The following PIK3AP1 variants were observed in gnomAD, a reference collection of about 807,000 sequenced individuals.
PIK3AP1 encodes the protein phosphoinositide 3-kinase adapter protein 1.
Under a neutral mutation model 88.1 loss-of-function variants are expected in PIK3AP1, and 21 were observed. That is an observed-to-expected ratio of 0.24 (90% CI 0.17 to 0.34). PIK3AP1 has a LOEUF of 0.34. Among genes scored for constraint, PIK3AP1 ranks in the 10% least tolerant of loss-of-function variants. PIK3AP1 has a pLI of 1.00. For synonymous variants in PIK3AP1, 398 were observed against 400.0 expected (o/e 1.00, Z 0.06); for missense variants, 828 against 1,035.7 (o/e 0.80, Z 2.75).
At chr10:96,702,909 C>A (rs1344226648) in intron 2 of PIK3AP1, among the ~76,000 whole-genome samples, 1 of 152,192 alleles carries the variant, frequency 6.6e-6, no homozygotes, top group Non-Finnish European at 1.5e-5. Flanking sequence ...CAGGGTCTCG[C>A]TCTGTCTCCC....
intron 2 of PIK3AP1, among the ~76,000 whole-genome samples, chr10:96,688,304 T>G (rs1589538304): frequency 6.6e-6 from 1 of 152,098 alleles, no homozygotes; most frequent in Admixed American, 6.5e-5. Context: ...GGGTTGGTGA[T>G]AAGAATCAAA....
chr10:96,626,091 G>T lies in PIK3AP1; in HGVS notation c.1669+617C>A, dbSNP rs556414493. On this transcript the variant is annotated intron_variant, in intron 10 of 16. Coordinates refer to ENST00000339364, the MANE Select transcript of PIK3AP1 (RefSeq NM_152309.3). ...TACTTGTAACCATATTATTGCAATCGAGTCGAAAAAATAGTGAAACTAACA... is the reference window on the plus strand; with the variant it reads ...TACTTGTAACCATATTATTGCAATCTAGTCGAAAAAATAGTGAAACTAACA... Among the ~76,000 whole-genome samples, 3 of 152,062 alleles carry T rather than the reference G, an allele frequency of 2.0e-5. No homozygotes were observed. In the East Asian group the frequency reaches 5.8e-4, roughly 29 times the overall value.
In PIK3AP1 at chr10:96,620,380, T is replaced by C. The variant is rs12784975; in HGVS notation, c.1913A>G (p.Lys638Arg). Residue 638 changes from lysine to arginine, a missense_variant, in exon 12 of 17, where the codon AAA becomes AGA. Lys to Arg is a conservative substitution (Grantham distance 26). This residue lies in a region of PIK3AP1 where 27 missense variants were observed against 67.1 expected (regional missense o/e 0.40). Transcript: ENST00000339364. ...HFKEWQLNQK[K>R]RSESFRFQQE... is the part of the protein sequence containing the mutation. The stretch of plus-strand genomic sequence containing the variant: ...CTGGAAACGAAAGGACTCCGATCGT[T>C]TCTTCTGGTTGAGCTGCCACTCTTT... 0.19 allele frequency: 298,630 copies of C among 1,613,944 alleles called. 29,672 individuals are homozygous for C. Among genetic ancestry groups the C allele is most frequent in the Admixed American group, 0.34 (20,498 of 60,018 alleles).
At position 96,709,775 on chromosome 10, in the gene PIK3AP1, C is replaced by G. The variant is rs1245301716; in HGVS notation, c.222G>C (p.Glu74Asp). 14 of 1,613,560 alleles carry G rather than the reference C, an allele frequency of 8.7e-6. No individual in the cohort carries two copies. The East Asian group carries it at 3.1e-4, about 36-fold the overall frequency. Residue 74 changes from glutamate to aspartate, a missense_variant, in exon 2 of 17, where the codon GAG (glutamate) becomes GAC (aspartate). Transcript: ENST00000339364. ...CGGGCTTGTGGAAGTGCTGCACCAG[C>G]TCCGCGGACAGCAGCACCACGACAC... ...TRCVVVLLSA[E>D]LVQHFHKPAL... is the part of the protein sequence containing the mutation.
chr10:96,598,730 G>C (rs1848829189), intron 16 of PIK3AP1, among the ~76,000 whole-genome samples: 1 of 152,226 alleles, frequency 6.6e-6, no homozygotes, highest in African/African-American at 2.4e-5. Flanking sequence ...GGGCTTCACA[G>C]AGGAGGTGAT....
chr10:96,718,813 G>A (rs934245006), intron 1 of PIK3AP1, among the ~76,000 whole-genome samples: 10 of 152,176 alleles, frequency 6.6e-5, no homozygotes, highest in Middle Eastern at 3.4e-3. Context: ...AGGAGGAGGC[G>A]GCTTCACTGG....
chr10:96,628,909 T>TATATAC (rs1564961342), intron 8 of PIK3AP1, among the ~76,000 whole-genome samples: 3 of 10,598 alleles, frequency 2.8e-4, no homozygotes, highest in Non-Finnish European at 6.9e-4. Flanking sequence ...TATATATATG[T>TATATAC]GTATATATAT....
At chr10:96,622,081 G>A (rs1005217159) in intron 11 of PIK3AP1, among the ~76,000 whole-genome samples, 2 of 152,218 alleles carry the variant, frequency 1.3e-5, no homozygotes, top group African/African-American at 4.8e-5. Context: ...TCTCTAAGCA[G>A]CATGAGGCAC....
At chr10:96,641,234 A>G (rs899253173) in intron 8 of PIK3AP1, among the ~76,000 whole-genome samples, 1 of 152,036 alleles carries the variant, frequency 6.6e-6, no homozygotes, top group African/African-American at 2.4e-5. Context: ...CCCCATTTCA[A>G]TTAACACTGG....
chr10:96,612,982 ATTTTTTTTTTTTTTTTT>A (rs3979626), intron 13 of PIK3AP1, among the ~76,000 whole-genome samples: 142 of 34,694 alleles, frequency 4.1e-3, no homozygotes, highest in East Asian at 0.014. Flanking sequence ...ATATATATAT[ATTTTTTTTTTTTTTTTT>A]TTTTTTTTTT....
intron 2 of PIK3AP1, among the ~76,000 whole-genome samples, chr10:96,669,986 C>G (rs921105672): frequency 3.3e-5 from 5 of 151,740 alleles, no homozygotes; most frequent in Non-Finnish European, 5.9e-5. Context: ...ACCAGCCTGG[C>G]CAATATGGTA....
chr10:96,677,770 A>T (rs2134260324), intron 2 of PIK3AP1, among the ~76,000 whole-genome samples: 1 of 152,322 alleles, frequency 6.6e-6, no homozygotes, highest in East Asian at 1.9e-4. Context: ...CTGTTCATTT[A>T]GGTACAGTTA....
intron 2 of PIK3AP1, among the ~76,000 whole-genome samples, chr10:96,684,385 G>A (rs1844041982): frequency 6.6e-6 from 1 of 152,212 alleles, no homozygotes; most frequent in African/African-American, 2.4e-5. Context: ...CAACTCTAGT[G>A]GAACGGCAGT....
intron 1 of PIK3AP1, among the ~76,000 whole-genome samples, chr10:96,718,504 G>T (rs1403173434): frequency 2.6e-5 from 4 of 152,178 alleles, no homozygotes; most frequent in African/African-American, 9.7e-5. Context: ...ACCTGGAGTG[G>T]TGTCTCGCCA....
chr10:96,711,812 A>G (rs1273433936), intron 1 of PIK3AP1, among the ~76,000 whole-genome samples: 4 of 125,078 alleles, frequency 3.2e-5, no homozygotes, highest in South Asian at 2.7e-4. Flanking sequence ...GCGCAGTGGC[A>G]CGATCTCGGT....
chr10:96,665,306 T>C (rs968709419), intron 2 of PIK3AP1, among the ~76,000 whole-genome samples: 2 of 152,250 alleles, frequency 1.3e-5, no homozygotes, highest in African/African-American at 4.8e-5. Flanking sequence ...AGGAAAAGTC[T>C]GTCTCTTCAG....
chr10:96,630,482 A>G (rs6584091), intron 8 of PIK3AP1, among the ~76,000 whole-genome samples: 133,671 of 152,156 alleles, frequency 0.88, 59,508 homozygotes, highest in East Asian at 1. Flanking sequence ...TTCTACTTAT[A>G]TGAGACTTTC....
At chr10:96,662,871 A>G in intron 2 of PIK3AP1, among the ~76,000 whole-genome samples, 1 of 126,832 alleles carries the variant, frequency 7.9e-6, no homozygotes, top group South Asian at 2.8e-4. Flanking sequence ...CCTGGGCGAC[A>G]GAGCGAGACT....
At chr10:96,665,659 T>C (rs1334456897) in intron 2 of PIK3AP1, among the ~76,000 whole-genome samples, 1 of 152,200 alleles carries the variant, frequency 6.6e-6, no homozygotes, top group East Asian at 1.9e-4. Flanking sequence ...ATTATATGAA[T>C]GACCACGTTA....
Sources: gnomAD v4.1 joint callset for allele counts (sites outside exome capture counted in the v4.1 genomes callset) on GRCh38, gnomAD v4.1.1 for gene constraint, gnomAD v4.1.1 regional missense constraint, MANE v1.5 for transcripts, NCBI Gene and HGNC (gene_info 2026-07-23, HGNC 2026-07-21) for gene names.